PKNOX2: variants seen among roughly 807,000 people sequenced by gnomAD.
PKNOX2 encodes homeobox protein PKNOX2.
In PKNOX2, 14 loss-of-function variants were observed where a neutral mutation model predicts 53.1. The ratio of observed to expected loss-of-function variants is 0.26; its 90% confidence interval spans 0.17 to 0.41. The LOEUF (loss-of-function observed/expected upper bound fraction) is 0.41. PKNOX2 is among the 10% of genes least tolerant of loss of function. The pLI, the probability that PKNOX2 is intolerant of heterozygous loss-of-function variation, is 1.00. For missense variants in PKNOX2, 496 were observed against 602.8 expected (o/e 0.82, Z 1.85); for synonymous variants, 257 against 242.8 (o/e 1.06, Z -0.54).
intron 1 of PKNOX2, among the ~76,000 whole-genome samples, chr11:125,170,415 AGGGCTGG>A (rs1955198624): frequency 6.6e-6 from 1 of 152,166 alleles, no homozygotes; most frequent in East Asian, 1.9e-4. Context: ...GGTGGGAGAC[AGGGCTGG>A]GGGTTGAGAG....
chr11:125,179,003 C>T (rs1955990938), intron 1 of PKNOX2, among the ~76,000 whole-genome samples: 1 of 151,838 alleles, frequency 6.6e-6, no homozygotes, highest in Non-Finnish European at 1.5e-5. Flanking sequence ...CAGGTCCTTC[C>T]CCTTCAAGCC....
chr11:125,267,763 ATG>A (rs150021069), intron 2 of PKNOX2, among the ~76,000 whole-genome samples: 20,999 of 151,382 alleles, frequency 0.14, 4,696 homozygotes, highest in African/African-American at 0.47. Context: ...GTGTGTGTGC[ATG>A]TGTGTGTGTG....
intron 2 of PKNOX2, among the ~76,000 whole-genome samples, chr11:125,276,179 A>T (rs1946141751): frequency 6.6e-6 from 1 of 152,246 alleles, no homozygotes; most frequent in Admixed American, 6.5e-5. Context: ...TATGGTCCTT[A>T]GTAATCTTGG....
At chr11:125,400,567 G>T (rs1400546332) in intron 7 of PKNOX2, among the ~76,000 whole-genome samples, 4 of 152,230 alleles carry the variant, frequency 2.6e-5, no homozygotes, top group Admixed American at 2.6e-4. Context: ...CAATCTGACT[G>T]TTCAAGGTGC....
At chr11:125,326,065 G>T (rs1395851297) in intron 2 of PKNOX2, among the ~76,000 whole-genome samples, 1 of 152,184 alleles carries the variant, frequency 6.6e-6, no homozygotes, top group Admixed American at 6.5e-5. Context: ...TACTTTCCAT[G>T]ATCTCCATGG....
At chr11:125,326,525 T>C (rs1040347836) in intron 2 of PKNOX2, among the ~76,000 whole-genome samples, 1 of 152,192 alleles carries the variant, frequency 6.6e-6, no homozygotes, top group East Asian at 1.9e-4. Context: ...GGCAAGCCAT[T>C]GTAGACTTTT....
intron 2 of PKNOX2, among the ~76,000 whole-genome samples, chr11:125,308,006 G>A (rs116437999): frequency 2.8e-3 from 430 of 151,902 alleles, no homozygotes; most frequent in African/African-American, 0.01. Flanking sequence ...ACATCGAGGG[G>A]AGAGGAGGGA....
chr11:125,376,933 G>A (rs535680944), intron 5 of PKNOX2, among the ~76,000 whole-genome samples: 10 of 152,040 alleles, frequency 6.6e-5, no homozygotes, highest in South Asian at 6.2e-4. Context: ...AACGAGGTTC[G>A]AAGTTCTGAT....
At chr11:125,396,977 T>C (rs967310966) in intron 6 of PKNOX2, among the ~76,000 whole-genome samples, 6 of 152,238 alleles carry the variant, frequency 3.9e-5, no homozygotes, top group Admixed American at 3.9e-4. Context: ...TATATGGGTG[T>C]AGGAAAAAAT....
At chr11:125,428,405 T>C (rs1359549052) in intron 10 of PKNOX2, among the ~76,000 whole-genome samples, 1 of 152,182 alleles carries the variant, frequency 6.6e-6, no homozygotes, top group African/African-American at 2.4e-5. Flanking sequence ...ATACCTAACC[T>C]GCCTGCCTTT....
intron 2 of PKNOX2, among the ~76,000 whole-genome samples, chr11:125,261,667 A>G (rs1944854590): frequency 6.6e-6 from 1 of 152,196 alleles, no homozygotes; most frequent in Non-Finnish European, 1.5e-5. Flanking sequence ...TCAGCAGGGC[A>G]TCTCACCCCC....
intron 2 of PKNOX2, among the ~76,000 whole-genome samples, chr11:125,274,033 G>A (rs112114536): frequency 6.6e-6 from 1 of 152,162 alleles, no homozygotes; most frequent in African/African-American, 2.4e-5. Flanking sequence ...GTATCACACT[G>A]GCTCTGGAAC....
intron 2 of PKNOX2, among the ~76,000 whole-genome samples, chr11:125,264,248 C>G (rs1945125552): frequency 6.6e-6 from 1 of 152,132 alleles, no homozygotes; most frequent in African/African-American, 2.4e-5. Context: ...TGGGTAGAGG[C>G]AGAGGGCGGC....
rs114539220 is a variant in PKNOX2, at chr11:125,410,693, G to A, written c.719-86G>A. On this transcript the variant is annotated intron_variant, in intron 8 of 12. Transcript: ENST00000298282. ...CTCCAAGTAGAGGGTCTTTACACAT[G>A]AGTGCCAAATGAACTGGGAACCCTG... is the stretch of plus-strand genomic sequence containing the variant. 332 of 1,024,584 alleles carry A rather than the reference G, an allele frequency of 3.2e-4. No homozygotes were observed. The African/African-American group carries it at 4.8e-3, about 15-fold the overall frequency. 63.5% of individuals were successfully genotyped at this position (1,024,584 alleles called of 1,614,324 possible). A position where few individuals can be genotyped will look rare whatever the true frequency, so the allele number is the denominator to read the frequency against.
At position 125,422,865 on chromosome 11, in the gene PKNOX2, G is replaced by C. The variant is rs949742120; in HGVS notation, c.937-6147G>C. 6.6e-6 allele frequency among the ~76,000 whole-genome samples: 1 copy of C among 152,138 alleles called. No homozygotes were observed. The highest frequency in any genetic ancestry group is 1.5e-5 in the Non-Finnish European group (1 of 68,028). On this transcript the variant is annotated intron_variant, in intron 10 of 12. Coordinates refer to ENST00000298282, the MANE Select transcript of PKNOX2 (RefSeq NM_001382323.2). The surrounding 1 kb of genome is among the most constrained non-coding windows in gnomAD (Gnocchi z 4.1). ...GCGTATTTGTATGCTCACAGAAGGG[G>C]CTGCTGGGAGGCTCCTGCCATCTGC...
chr11:125,362,894 A>C (rs2136252405), intron 4 of PKNOX2, among the ~76,000 whole-genome samples: 1 of 152,260 alleles, frequency 6.6e-6, no homozygotes, highest in East Asian at 1.9e-4. Flanking sequence ...TCTCAGCCCC[A>C]CCCAGATTTT....
chr11:125,192,086 C>A (rs1956909962), intron 1 of PKNOX2, among the ~76,000 whole-genome samples: 2 of 152,038 alleles, frequency 1.3e-5, no homozygotes, highest in Non-Finnish European at 2.9e-5. Context: ...ATGTGAGGGG[C>A]AGGCTGGGGA....
intron 3 of PKNOX2, among the ~76,000 whole-genome samples, chr11:125,347,127 C>T (rs542127702): frequency 1.8e-4 from 27 of 152,288 alleles, no homozygotes; most frequent in Non-Finnish European, 2.9e-4. Flanking sequence ...AGTGTCCCCT[C>T]ACCCTTGTCC....
intron 1 of PKNOX2, among the ~76,000 whole-genome samples, chr11:125,191,844 T>C (rs955000153): frequency 6.6e-6 from 1 of 152,202 alleles, no homozygotes; most frequent in South Asian, 2.1e-4. Flanking sequence ...TCAACTTTAA[T>C]AAGGTGTTGC....
Sources: gnomAD v4.1 joint callset for allele counts (sites outside exome capture counted in the v4.1 genomes callset) on GRCh38, gnomAD v4.1.1 for gene constraint, Gnocchi (gnomAD v3.1) non-coding constraint, MANE v1.5 for transcripts, NCBI Gene and HGNC (gene_info 2026-07-23, HGNC 2026-07-21) for gene names.